The following FSTL4 variants were observed in gnomAD, a reference collection of about 807,000 sequenced individuals.
The protein encoded by FSTL4 is follistatin-related protein 4.
Under a neutral mutation model 78.2 loss-of-function variants are expected in FSTL4, and 28 were observed. The ratio of observed to expected loss-of-function variants is 0.36; its 90% confidence interval spans 0.27 to 0.49. The LOEUF is 0.49. FSTL4 is among the 20% of genes least tolerant of loss of function. FSTL4 has a pLI of 0.98. For missense variants in FSTL4, 922 were observed against 1,084.9 expected, an observed-to-expected ratio of 0.85 and a Z score of 2.11; for synonymous variants, 422 against 440.5, an observed-to-expected ratio of 0.96 and a Z score of 0.53.
In FSTL4 at chr5:133,224,253, T is replaced by TGGAGGAAAGCA. The variant is rs1195440298; in HGVS notation, c.1313-38_1313-37insTGCTTTCCTCC. ...GAGAATGAGGAAAGCAGGAGTGTGATGGAGTCAAGGAAAAAGAAGAAAGCA... is the reference window on the plus strand; with the variant it reads ...GAGAATGAGGAAAGCAGGAGTGTGATGGAGGAAAGCAGGAGTCAAGGAAAAAGAAGAAAGCA... On this transcript the variant is annotated intron_variant, in intron 10 of 15. Transcript: ENST00000265342. 4 of 1,583,024 alleles carry TGGAGGAAAGCA rather than the reference T, an allele frequency of 2.5e-6. No homozygotes were observed. In the African/African-American group the frequency reaches 5.4e-5, roughly 21 times the overall value.
chr5:133,703,264 CT>C, the FSTL4 span, among the ~76,000 whole-genome samples: 1 of 152,182 alleles, frequency 6.6e-6, no homozygotes, highest in Non-Finnish European at 1.5e-5. Context: ...TCCAATCTCG[CT>C]GTTAGCTGTG....
intron 3 of FSTL4, among the ~76,000 whole-genome samples, chr5:133,453,795 C>A (rs1324831872): frequency 6.6e-6 from 1 of 152,136 alleles, no homozygotes; most frequent in Non-Finnish European, 1.5e-5. Context: ...GAAGAGGGGG[C>A]CAGGTTGAGG....
chr5:133,345,990 T>C (rs1220582856), intron 4 of FSTL4, among the ~76,000 whole-genome samples: 1 of 152,072 alleles, frequency 6.6e-6, no homozygotes, highest in Non-Finnish European at 1.5e-5. Flanking sequence ...TTGGAACCAA[T>C]CCAAATGCCC....
intron 4 of FSTL4, among the ~76,000 whole-genome samples, chr5:133,373,027 G>A (rs1484821753): frequency 6.6e-6 from 1 of 152,192 alleles, no homozygotes; most frequent in African/African-American, 2.4e-5. Flanking sequence ...GAGGTGGGGG[G>A]AGCCTCATGA....
chr5:133,456,146 G>A (rs1262179690), intron 3 of FSTL4, among the ~76,000 whole-genome samples: 2 of 152,162 alleles, frequency 1.3e-5, no homozygotes, highest in Admixed American at 6.5e-5. Context: ...GTTATATTAG[G>A]ACCCCAGGGA....
At chr5:133,379,395 A>G (rs917847276) in intron 4 of FSTL4, among the ~76,000 whole-genome samples, 2 of 152,102 alleles carry the variant, frequency 1.3e-5, no homozygotes, top group South Asian at 4.1e-4. Flanking sequence ...CTATGATACA[A>G]CTAAACCTAC....
intron 4 of FSTL4, among the ~76,000 whole-genome samples, chr5:133,354,711 C>G (rs1324080131): frequency 6.6e-6 from 1 of 152,218 alleles, no homozygotes; most frequent in East Asian, 1.9e-4. Flanking sequence ...GGGCACAGCA[C>G]CAGTCCTCTA....
intron 11 of FSTL4, among the ~76,000 whole-genome samples, chr5:133,221,894 T>G (rs942229241): frequency 9.9e-5 from 8 of 80,678 alleles, no homozygotes; most frequent in African/African-American, 3.9e-4. Context: ...TTTTCTAGTT[T>G]TTTTTTTTTT....
chr5:133,698,726 G>A, the FSTL4 span, among the ~76,000 whole-genome samples: 38 of 152,308 alleles, frequency 2.5e-4, no homozygotes, highest in South Asian at 4.1e-4. Context: ...TCTCAGGACC[G>A]TCCTAAAAGG....
At chr5:133,532,377 T>C (rs892057514) in intron 3 of FSTL4, among the ~76,000 whole-genome samples, 1 of 152,258 alleles carries the variant, frequency 6.6e-6, no homozygotes, top group African/African-American at 2.4e-5. Flanking sequence ...GTGTATTTTC[T>C]ACATTCCTAA....
chr5:133,441,393 C>T (rs1049523435), intron 3 of FSTL4, among the ~76,000 whole-genome samples: 24 of 152,328 alleles, frequency 1.6e-4, no homozygotes, highest in African/African-American at 5.8e-4. Context: ...CAGAGAGTTG[C>T]AAAAGATGCC....
chr5:133,221,753 C>T (rs77798389), intron 11 of FSTL4, among the ~76,000 whole-genome samples: 4,516 of 152,062 alleles, frequency 0.03, 230 homozygotes, highest in African/African-American at 0.1. Context: ...CTTCCCTCTC[C>T]CTGTCTTTCT....
chr5:133,495,415 C>G (rs1758349784), intron 3 of FSTL4, among the ~76,000 whole-genome samples: 1 of 152,252 alleles, frequency 6.6e-6, no homozygotes, highest in South Asian at 2.1e-4. Context: ...AAATCATTCT[C>G]TAAAATTGGT....
the FSTL4 span, among the ~76,000 whole-genome samples, chr5:133,752,629 T>A: frequency 0.057 from 8,621 of 151,072 alleles, 279 homozygotes; most frequent in African/African-American, 0.063. Flanking sequence ...AAAATAAAAT[T>A]AAATTAAATT....
At chr5:133,604,241 A>C (rs1427392266) in intron 1 of FSTL4, among the ~76,000 whole-genome samples, 4 of 152,170 alleles carry the variant, frequency 2.6e-5, no homozygotes, top group African/African-American at 9.7e-5. Context: ...GCATAGAGTA[A>C]GAACTCTATA....
intron 3 of FSTL4, among the ~76,000 whole-genome samples, chr5:133,430,915 C>G (rs1042231607): frequency 1.3e-5 from 2 of 152,220 alleles, no homozygotes; most frequent in Admixed American, 6.5e-5. Context: ...AGAATTTCCC[C>G]TTCATTCCTG....
At chr5:133,736,002 T>G in the FSTL4 span, among the ~76,000 whole-genome samples, 1 of 152,172 alleles carries the variant, frequency 6.6e-6, no homozygotes, top group Admixed American at 6.5e-5. Context: ...AAAGGTTTGT[T>G]ACCTACACTT....
At chr5:133,359,483 A>C (rs1290874612) in intron 4 of FSTL4, among the ~76,000 whole-genome samples, 1 of 152,194 alleles carries the variant, frequency 6.6e-6, no homozygotes, top group African/African-American at 2.4e-5. Context: ...AGGCAAACGA[A>C]CTTATCATAT....
At chr5:133,665,642 C>T in the FSTL4 span, among the ~76,000 whole-genome samples, 1 of 151,578 alleles carries the variant, frequency 6.6e-6, no homozygotes, top group African/African-American at 2.4e-5. Flanking sequence ...AAGCAGCCTT[C>T]ACTTCTGTGC....
Sources: gnomAD v4.1 joint callset for allele counts (sites outside exome capture counted in the v4.1 genomes callset) on GRCh38, gnomAD v4.1.1 for gene constraint, MANE v1.5 for transcripts, NCBI Gene and HGNC (gene_info 2026-07-23, HGNC 2026-07-21) for gene names.